Variants in RBFOX1 observed in about 807,000 individuals in gnomAD.
RBFOX1 encodes RNA binding fox-1 homolog 1.
Under a neutral mutation model 57.7 loss-of-function variants are expected in RBFOX1, and 8 were observed. The ratio of observed to expected loss-of-function variants is 0.14; its 90% CI spans 0.08 to 0.25. RBFOX1 has a LOEUF of 0.25. RBFOX1 is among the 10% of genes least tolerant of loss of function. The pLI is 1.00. For missense variants in RBFOX1, 611 were observed against 548.5 expected (o/e 1.11, Z -1.14); for synonymous variants, 326 against 222.4 (o/e 1.47, Z -4.15).
chr16:7,255,521 T>C (rs2094642394), intron 4 of RBFOX1, among the ~76,000 whole-genome samples: 1 of 152,218 alleles, frequency 6.6e-6, no homozygotes, highest in African/African-American at 2.4e-5. Flanking sequence ...CAGCTTATAT[T>C]TAGTGTAAAA....
At chr16:6,389,398 A>G (rs944483423) in intron 2 of RBFOX1, among the ~76,000 whole-genome samples, 2 of 152,174 alleles carry the variant, frequency 1.3e-5, no homozygotes, top group Non-Finnish European at 2.9e-5. Flanking sequence ...CGATCATGAA[A>G]CTACATCTTT....
intron 3 of RBFOX1, among the ~76,000 whole-genome samples, chr16:5,764,003 T>C (rs901597110): frequency 1.3e-5 from 2 of 152,230 alleles, no homozygotes. Context: ...CAAGGGCAGG[T>C]ACTTTATCCT....
chr16:7,064,770 C>A (rs9922471), intron 4 of RBFOX1, among the ~76,000 whole-genome samples: 2,438 of 152,296 alleles, frequency 0.016, 32 homozygotes, highest in East Asian at 0.074. Flanking sequence ...AACCAACTAA[C>A]CAACAAAAAG....
intron 14 of RBFOX1, among the ~76,000 whole-genome samples, chr16:7,701,275 C>T (rs372431683): frequency 3.3e-4 from 50 of 149,412 alleles, no homozygotes; most frequent in African/African-American, 1.3e-3. Flanking sequence ...GGTCAGGGGT[C>T]CCCAACTGGA....
chr16:6,881,213 C>T (rs185857077), intron 3 of RBFOX1, among the ~76,000 whole-genome samples: 1 of 152,160 alleles, frequency 6.6e-6, no homozygotes, highest in Non-Finnish European at 1.5e-5. Flanking sequence ...GGAGAATAGC[C>T]AGGAGTCTGA....
intron 2 of RBFOX1, among the ~76,000 whole-genome samples, chr16:6,414,894 A>C (rs971616454): frequency 2.0e-5 from 3 of 152,140 alleles, no homozygotes; most frequent in African/African-American, 4.8e-5. Context: ...GACATCCTGC[A>C]AGGCATGGGG....
At chr16:7,080,303 C>G (rs1353770957) in intron 4 of RBFOX1, among the ~76,000 whole-genome samples, 2 of 152,062 alleles carry the variant, frequency 1.3e-5, no homozygotes, top group African/African-American at 2.4e-5. Context: ...TAGCTGAACA[C>G]TGGCATAAAT....
chr16:6,250,001 AG>A (rs933247418), intron 1 of RBFOX1, among the ~76,000 whole-genome samples: 1 of 152,048 alleles, frequency 6.6e-6, no homozygotes, highest in African/African-American at 2.4e-5. Flanking sequence ...TAGGTGCGGT[AG>A]AAAGGCCAAA....
intron 3 of RBFOX1, among the ~76,000 whole-genome samples, chr16:6,972,350 C>G (rs2085764471): frequency 6.6e-6 from 1 of 152,064 alleles, no homozygotes; most frequent in South Asian, 2.1e-4. Context: ...TACAGCGTTT[C>G]TCCTTTCGTG....
intron 1 of RBFOX1, among the ~76,000 whole-genome samples, chr16:5,334,762 A>G (rs2064853002): frequency 6.6e-6 from 1 of 151,650 alleles, no homozygotes; most frequent in Non-Finnish European, 1.5e-5. Context: ...TACACTGTCC[A>G]ACGTTAAAGA....
chr16:5,969,148 A>C (rs1385617163), intron 4 of RBFOX1, among the ~76,000 whole-genome samples: 1 of 152,048 alleles, frequency 6.6e-6, no homozygotes, highest in Non-Finnish European at 1.5e-5. Flanking sequence ...GCCTGTTGGC[A>C]TGTTTTGAAA....
chr16:5,863,793 C>T (rs547062440), intron 3 of RBFOX1, among the ~76,000 whole-genome samples: 77 of 152,314 alleles, frequency 5.1e-4, no homozygotes, highest in African/African-American at 1.8e-3. Context: ...ATATGCCTTA[C>T]CTTCTACTGT....
At position 5,946,978 on chromosome 16, in the gene RBFOX1, G is replaced by T. The variant is rs112268382; in HGVS notation, c.351+79643G>T. On this transcript the variant is annotated intron_variant, in intron 4 of 19. Coordinates refer to the RBFOX1 transcript ENST00000641259. This position sits in a 1 kb window ranked among gnomAD's most constrained non-coding sequence, Gnocchi z 4.6. ...CGTAATCCTAGCACTTAGGGAGGCA[G>T]AAGTAGGAGGATTGCTTGAGGCCAG... Among the ~76,000 whole-genome samples the T allele has an allele frequency of 9.8e-4, 149 of 152,328 alleles. No homozygotes were observed. Among genetic ancestry groups the T allele is most frequent in the African/African-American group, 3.3e-3 (137 of 41,580 alleles).
intron 3 of RBFOX1, among the ~76,000 whole-genome samples, chr16:6,776,308 G>T (rs1177969272): frequency 6.6e-6 from 1 of 152,084 alleles, no homozygotes; most frequent in Admixed American, 6.6e-5. Context: ...CTACTCGGGG[G>T]GCTGAGGCAG....
intron 3 of RBFOX1, among the ~76,000 whole-genome samples, chr16:5,761,082 C>A (rs925888872): frequency 6.6e-6 from 1 of 152,154 alleles, no homozygotes; most frequent in African/African-American, 2.4e-5. Context: ...AGTTGGTAAA[C>A]AGTGAATGCT....
At chr16:7,098,035 A>G (rs1052341223) in intron 4 of RBFOX1, among the ~76,000 whole-genome samples, 15 of 152,358 alleles carry the variant, frequency 9.8e-5, no homozygotes, top group African/African-American at 3.1e-4. Context: ...GTGATGGAGT[A>G]TTCAAGTAAA....
intron 4 of RBFOX1, among the ~76,000 whole-genome samples, chr16:7,319,120 G>C (rs1450325897): frequency 1.3e-5 from 2 of 151,790 alleles, no homozygotes; most frequent in Non-Finnish European, 1.5e-5. Context: ...GTTCCCTTTT[G>C]TCCCTTTGTT....
chr16:7,444,107 C>T (rs368019706), intron 4 of RBFOX1, among the ~76,000 whole-genome samples: 4 of 152,322 alleles, frequency 2.6e-5, no homozygotes, highest in South Asian at 2.1e-4. Flanking sequence ...TGATGAATCA[C>T]GTTATTATAC....
intron 4 of RBFOX1, among the ~76,000 whole-genome samples, chr16:5,979,923 AC>A (rs1476713553): frequency 7.9e-5 from 12 of 152,258 alleles, no homozygotes; most frequent in African/African-American, 2.9e-4. Flanking sequence ...CCCCATGGTC[AC>A]TCACACAGGT....
Sources: allele counts gnomAD v4.1 joint callset (sites outside exome capture counted in the v4.1 genomes callset), GRCh38; gene constraint gnomAD v4.1.1; non-coding constraint Gnocchi (gnomAD v3.1); transcripts MANE v1.5; gene names NCBI Gene and HGNC (gene_info 2026-07-23, HGNC 2026-07-21).